RABGAP1L: variants seen among roughly 807,000 people sequenced by gnomAD.
RABGAP1L encodes rab GTPase-activating protein 1-like.
A neutral mutation model predicts 137.7 loss-of-function variants in RABGAP1L; 63 were observed. The ratio of observed to expected loss-of-function variants is 0.46; its 90% confidence interval spans 0.37 to 0.56. The LOEUF is 0.56. Ranked by LOEUF, RABGAP1L falls within the 20% of genes least tolerant of loss-of-function variation. The pLI is 0.00. For missense variants in RABGAP1L, 1,095 were observed against 1,244.0 expected (o/e 0.88, Z 1.80); for synonymous variants, 431 against 433.7 (o/e 0.99, Z 0.08).
intron 13 of RABGAP1L, among the ~76,000 whole-genome samples, chr1:174,629,612 T>TC (rs1673178029): frequency 1.3e-5 from 2 of 152,232 alleles, no homozygotes; most frequent in Middle Eastern, 3.4e-3. Flanking sequence ...AACCTCCACT[T>TC]CCCAGGTTCA....
chr1:174,669,156 G>A (rs1227241693), intron 14 of RABGAP1L, among the ~76,000 whole-genome samples: 1 of 152,132 alleles, frequency 6.6e-6, no homozygotes, highest in Non-Finnish European at 1.5e-5. Context: ...AGGCAAAGGG[G>A]AAGCAAGGCA....
chr1:174,573,322 G>C (rs919917562), intron 13 of RABGAP1L, among the ~76,000 whole-genome samples: 1 of 151,640 alleles, frequency 6.6e-6, no homozygotes. Flanking sequence ...ATTTGTGTGT[G>C]TGTGTATATA....
intron 13 of RABGAP1L, among the ~76,000 whole-genome samples, chr1:174,622,449 C>G (rs12128237): frequency 2.7e-3 from 413 of 152,266 alleles, no homozygotes; most frequent in Non-Finnish European, 3.2e-3. Context: ...GACTTGGAAC[C>G]AACCCAAATG....
chr1:174,549,168 A>T (rs1294522159), intron 13 of RABGAP1L, among the ~76,000 whole-genome samples: 1 of 152,216 alleles, frequency 6.6e-6, no homozygotes, highest in Non-Finnish European at 1.5e-5. Flanking sequence ...CTACTATGTT[A>T]GCCATTTCTG....
chr1:174,611,261 G>T (rs1224533080), intron 13 of RABGAP1L, among the ~76,000 whole-genome samples: 5 of 150,130 alleles, frequency 3.3e-5, no homozygotes, highest in Admixed American at 1.3e-4. Context: ...TCCAGTTTCA[G>T]CTTTCTACAC....
Position 174,580,618 on chromosome 1 carries a change from C to T in RABGAP1L, c.1711-56757C>T, listed in dbSNP as rs376924154. 8.5e-4 allele frequency among the ~76,000 whole-genome samples: 129 copies of T among 151,012 alleles called. 1 individual carries two copies. In the Middle Eastern group the frequency reaches 0.01, roughly 12 times the overall value. On this transcript the variant is annotated intron_variant, in intron 13 of 25. Coordinates refer to ENST00000681986, the MANE Select transcript of RABGAP1L (RefSeq NM_001366446.1). Reference sequence around the variant, plus strand: ...ACACAGGAAGGGGAACATCACACACCGGGGCCTGCTGTGGGGTGGGAGGAG... The same window carrying T: ...ACACAGGAAGGGGAACATCACACACTGGGGCCTGCTGTGGGGTGGGAGGAG...
At position 174,699,499 on chromosome 1, in the gene RABGAP1L, T is replaced by C. The variant is rs181205189; in HGVS notation, c.1900-26T>C. Reference sequence around the variant, plus strand: ...TCTGGCAAAATGCCACTTATTTATATTGTATATGTATATATTTTTCTGTAG... The same window carrying C: ...TCTGGCAAAATGCCACTTATTTATACTGTATATGTATATATTTTTCTGTAG... On this transcript the variant is annotated intron_variant, in intron 15 of 25. Transcript: ENST00000681986. The C allele has an allele frequency of 9.2e-5, 147 of 1,589,352 alleles. No homozygotes were observed. The African/African-American group carries it at 1.4e-3, about 16-fold the overall frequency.
chr1:174,732,307 G>A (rs758107318), intron 17 of RABGAP1L, among the ~76,000 whole-genome samples: 1 of 152,120 alleles, frequency 6.6e-6, no homozygotes, highest in African/African-American at 2.4e-5. Context: ...AGTAAAAGTT[G>A]TAAGAACCAT....
At chr1:174,762,807 C>CTTTTTTTTTTTTTTTTTTTTTTTT (rs71563260) in intron 18 of RABGAP1L, among the ~76,000 whole-genome samples, 1 of 81,810 alleles carries the variant, frequency 1.2e-5, no homozygotes. Context: ...GTCTCCTTTG[C>CTTTTTTTTTTTTTTTTTTTTTTTT]TTTTTTTTTT....
intron 18 of RABGAP1L, among the ~76,000 whole-genome samples, chr1:174,798,394 A>G (rs1030547585): frequency 6.6e-6 from 1 of 151,788 alleles, no homozygotes; most frequent in African/African-American, 2.4e-5. Context: ...CAGAGCGACA[A>G]TCCGTTTCAA....
At chr1:174,208,845 A>C (rs529408613) in intron 1 of RABGAP1L, among the ~76,000 whole-genome samples, 1 of 152,172 alleles carries the variant, frequency 6.6e-6, no homozygotes, top group African/African-American at 2.4e-5. Context: ...TTCTTCTTTA[A>C]ATGTTTGGTG....
chr1:174,885,427 C>T (rs576666685), intron 19 of RABGAP1L, among the ~76,000 whole-genome samples: 4 of 152,248 alleles, frequency 2.6e-5, no homozygotes, highest in South Asian at 2.1e-4. Context: ...CAAGGTCTGT[C>T]GCTCACTGCT....
intron 13 of RABGAP1L, among the ~76,000 whole-genome samples, chr1:174,595,643 G>A (rs1669826901): frequency 6.7e-6 from 1 of 150,060 alleles, no homozygotes; most frequent in African/African-American, 2.5e-5. Context: ...CCCTGCTGGG[G>A]GCTGCCTCCC....
At chr1:174,873,007 T>C (rs868657382) in intron 19 of RABGAP1L, among the ~76,000 whole-genome samples, 6 of 152,298 alleles carry the variant, frequency 3.9e-5, no homozygotes, top group Non-Finnish European at 5.9e-5. Flanking sequence ...GAACAGTTTC[T>C]CCAGGGTGCT....
chr1:174,512,069 G>A (rs945699399), intron 13 of RABGAP1L, among the ~76,000 whole-genome samples: 1 of 152,100 alleles, frequency 6.6e-6, no homozygotes, highest in Non-Finnish European at 1.5e-5. Context: ...TCCACATAAT[G>A]TATAGTGATC....
At chr1:174,434,108 T>TGCAC (rs1553301863) in intron 13 of RABGAP1L, among the ~76,000 whole-genome samples, 1 of 134,050 alleles carries the variant, frequency 7.5e-6, no homozygotes. Context: ...CGTGTACACA[T>TGCAC]ACACACACAC....
chr1:174,704,839 G>A (rs533130127), intron 17 of RABGAP1L, among the ~76,000 whole-genome samples: 86 of 152,144 alleles, frequency 5.7e-4, no homozygotes, highest in African/African-American at 2.0e-3. Context: ...TTCCAACTCC[G>A]CTATTTTATA....
rs745784431 is a variant in RABGAP1L at position 174,829,933 on chromosome 1, A to T, written c.2340+17973A>T. Among the ~76,000 whole-genome samples, 22 of 148,414 alleles carry T rather than the reference A, an allele frequency of 1.5e-4. 2 individuals carry two copies. The highest frequency in any genetic ancestry group is 1.3e-4 in the Non-Finnish European group (9 of 66,730). On this transcript the variant is annotated intron_variant, in intron 19 of 25. Coordinates refer to ENST00000681986, the MANE Select transcript of RABGAP1L (RefSeq NM_001366446.1). ...TGTATCAATTATCTATTGCTGTATA[A>T]CAAACCATCCCAAAACTTACAGGTT...
intron 17 of RABGAP1L, among the ~76,000 whole-genome samples, chr1:174,725,922 A>G (rs1169162358): frequency 2.0e-5 from 3 of 152,156 alleles, no homozygotes; most frequent in Non-Finnish European, 4.4e-5. Context: ...GCACATGTAT[A>G]CATATGTAAC....
Sources: allele counts gnomAD v4.1 joint callset (sites outside exome capture counted in the v4.1 genomes callset), GRCh38; gene constraint gnomAD v4.1.1; transcripts MANE v1.5; gene names NCBI Gene and HGNC (gene_info 2026-07-23, HGNC 2026-07-21).